The following SET variants were observed in gnomAD, a reference collection of about 807,000 sequenced individuals.
SET encodes protein SET.
A neutral mutation model predicts 39.0 loss-of-function variants in SET; 4 were observed. The ratio of observed to expected loss-of-function variants is 0.10; its 90% CI spans 0.05 to 0.23. The LOEUF (loss-of-function observed/expected upper bound fraction) is 0.23, where lower values mean the gene tolerates loss of function less well. SET is among the 10% of genes least tolerant of loss of function. SET has a pLI of 1.00. For synonymous variants in SET, 114 were observed against 115.9 expected (o/e 0.98, Z 0.11); for missense variants, 137 against 329.7 (o/e 0.42, Z 4.53).
chr9:128,694,109 T>TAC, intron 7 of SET, 67 bp downstream of exon 7: 2 of 1,296,570 alleles, frequency 1.5e-6, no homozygotes, highest in South Asian at 1.6e-5. Context: ...TTGGGGTGTA[T>TAC]ATATATATAT....
Position 128,689,577 on chromosome 9 carries a change from A to G in SET, c.-6A>G, listed in dbSNP as rs772142997. 2.3e-6 allele frequency: 3 copies of G among 1,316,940 alleles called. No homozygotes were observed. The highest frequency in any genetic ancestry group is 1.6e-5 in the South Asian group (1 of 61,890). 81.6% of individuals were successfully genotyped at this position (1,316,940 alleles called of 1,614,324 possible). A position where few individuals can be genotyped will look rare whatever the true frequency, so the allele number is the denominator to read the frequency against. ...CCCGCTCCCCCCCCGACCGCGGAGC[A>G]GCACCATGTCGGCGCCGGCGGCCAA... On this transcript the variant is annotated 5_prime_UTR_variant, in exon 1 of 8. Transcript: ENST00000322030.
At chr9:128,691,040 T>C (rs754851142) in intron 1 of SET, 130 bp from the exon 2 acceptor site, 1 of 765,578 alleles carries the variant, frequency 1.3e-6, no homozygotes, top group Admixed American at 1.9e-5. Context: ...AGCATGAACA[T>C]GTGGAACGCT....
In SET at chr9:128,692,855, T is replaced by G; in HGVS notation, c.379-13T>G. ...CCTGTTCATATTTCTAATCTTTCAA[T>G]TATTTATTACAGTATTTTGATGAAA... is the stretch of plus-strand genomic sequence containing the variant. On this transcript the variant is annotated splice_polypyrimidine_tract_variant and intron_variant, in intron 4 of 7. Coordinates refer to ENST00000322030, the MANE Select transcript of SET (RefSeq NM_003011.4). 1 of 1,533,940 alleles carries G rather than the reference T, an allele frequency of 6.5e-7. No homozygotes were observed. The highest frequency in any genetic ancestry group is 9.0e-7 in the Non-Finnish European group (1 of 1,109,982).
In SET at chr9:128,693,580, T is replaced by C. The variant is rs536392903; in HGVS notation, c.493-58T>C. Reference sequence around the variant, plus strand: ...GGGGAAAATCTTATTTTTTAAATTATAGGGAGTTTGGGTGTTATGGAGAGA... The same window carrying C: ...GGGGAAAATCTTATTTTTTAAATTACAGGGAGTTTGGGTGTTATGGAGAGA... On this transcript the variant is annotated intron_variant, in intron 5 of 7. Coordinates refer to ENST00000322030, the MANE Select transcript of SET (RefSeq NM_003011.4). The C allele has an allele frequency of 5.6e-4, 833 of 1,481,830 alleles. 2 individuals are homozygous for C. Among genetic ancestry groups the C allele is most frequent in the Non-Finnish European group, 6.0e-4 (670 of 1,109,742 alleles). The allele number at this position is 1,481,830 out of a possible 1,614,324, so 91.8% of individuals were successfully genotyped here. A position where few individuals can be genotyped will look rare whatever the true frequency, so the allele number is the denominator to read the frequency against.
chr9:128,685,314 C>T, upstream of SET: 1 of 948,086 alleles, frequency 1.1e-6, no homozygotes, highest in Non-Finnish European at 1.7e-6. Context: ...CTAAGGGGAG[C>T]ACTAGACAGC....
At chr9:128,688,822 G>A (rs1861377043), upstream of SET, among the ~76,000 whole-genome samples, 1 of 152,184 alleles carries the variant, frequency 6.6e-6, no homozygotes, top group Non-Finnish European at 1.5e-5. Context: ...CCGAGAGGCC[G>A]GGCGGAATTC....
intron 7 of SET, 136 bp downstream of exon 7, chr9:128,694,178 T>C (rs1861646260): frequency 1.2e-6 from 1 of 858,686 alleles, no homozygotes; most frequent in African/African-American, 1.7e-5. Flanking sequence ...ATTTTGTTGT[T>C]CAAGAATTAA....
rs150433524 is a variant in SET at position 128,692,520 on chromosome 9, T to C, written c.275-142T>C. 1.3e-3 allele frequency: 795 copies of C among 616,060 alleles called. 17 individuals are homozygous for C. The East Asian group carries it at 0.018, about 14-fold the overall frequency. The allele number at this position is 616,060 out of a possible 1,614,324, so 38.2% of individuals were successfully genotyped here. On this transcript the variant is annotated intron_variant, in intron 3 of 7. Transcript: ENST00000322030. Reference sequence around the variant, plus strand: ...GATGAAAGATAGTGACAGTCTGATATTGAGCAATTGCCTTTAGTTAATAAT... The same window carrying C: ...GATGAAAGATAGTGACAGTCTGATACTGAGCAATTGCCTTTAGTTAATAAT...
At chr9:128,694,566 G>T in intron 7 of SET, 75 bp from the exon 8 acceptor site, 1 of 975,274 alleles carries the variant, frequency 1.0e-6, no homozygotes, top group Non-Finnish European at 1.6e-6. Context: ...GGGCACTCGT[G>T]GGGTCCATTG....
upstream of SET, among the ~76,000 whole-genome samples, chr9:128,686,456 G>A (rs1028978530): frequency 6.6e-6 from 1 of 152,278 alleles, no homozygotes; most frequent in Admixed American, 6.5e-5. Context: ...TTGTGGGTCA[G>A]GAGTGACCCT....
At chr9:128,692,394 T>TC (rs1491342407) in intron 3 of SET, 35 of 76,176 alleles carry the variant, frequency 4.6e-4, no homozygotes, top group Admixed American at 3.0e-3. Flanking sequence ...AGTGAGACTG[T>TC]TTCAAAAAAA....
upstream of SET, chr9:128,689,115 C>A: frequency 4.1e-6 from 1 of 246,790 alleles, no homozygotes; most frequent in Non-Finnish European, 6.4e-6. Flanking sequence ...CGCCGCGACT[C>A]CGCCCCCTCA....
intron 1 of SET, 53 bp from the exon 2 acceptor site, chr9:128,691,116 TG>T (rs779749723): frequency 2.2e-6 from 3 of 1,387,978 alleles, no homozygotes; most frequent in African/African-American, 1.4e-5. Context: ...TATTAACATC[TG>T]GAAAACTAGG....
Position 128,696,249 on chromosome 9 carries a change from G to T in SET, c.*1585G>T, listed in dbSNP as rs1290793825. ...TTTTGATGTATAAAACTTGATAAAT[G>T]GAACTATTCCATCAATAGGCAAAAG... On this transcript the variant is annotated 3_prime_UTR_variant, in exon 8 of 8. Transcript: ENST00000322030. 4 of 202,390 alleles carry T rather than the reference G, an allele frequency of 2.0e-5. No homozygotes were observed. The highest frequency in any genetic ancestry group is 3.1e-5 in the Non-Finnish European group (3 of 97,172). 12.5% of individuals were successfully genotyped at this position (202,390 alleles called of 1,614,324 possible).
chr9:128,684,084 C>A lies in SET; in HGVS notation c.112+77C>A, dbSNP rs567694154. ...GACTCTCTGATTTTTACCCCCCAAT[C>A]CCTCTTGAGATGTGACCCCTAAGCA... is the stretch of plus-strand genomic sequence containing the variant. On this transcript the variant is annotated intron_variant, in intron 1 of 7. Transcript: ENST00000372692. 9 of 1,204,446 alleles carry A rather than the reference C, an allele frequency of 7.5e-6. No individual in the cohort carries two copies. The South Asian group carries it at 8.1e-5, about 11-fold the overall frequency. The allele number at this position is 1,204,446 out of a possible 1,614,324, so 74.6% of individuals were successfully genotyped here.
rs1420104259 is a variant in SET at position 128,689,563 on chromosome 9, C to G, written c.-20C>G. On this transcript the variant is annotated 5_prime_UTR_variant, in exon 1 of 8. Coordinates refer to ENST00000322030, the MANE Select transcript of SET (RefSeq NM_003011.4). ...CTTCTCTCCCCCTCCCCGCTCCCCC[C>G]CCGACCGCGGAGCAGCACCATGTCG... 5 of 1,339,944 alleles carry G rather than the reference C, an allele frequency of 3.7e-6. No homozygotes were observed. Among genetic ancestry groups the G allele is most frequent in the East Asian group, 3.3e-5 (1 of 30,592 alleles). The allele number at this position is 1,339,944 out of a possible 1,614,324, so 83.0% of individuals were successfully genotyped here.
At chr9:128,688,450 T>G (rs943044932), upstream of SET, among the ~76,000 whole-genome samples, 18 of 152,142 alleles carry the variant, frequency 1.2e-4, no homozygotes, top group Non-Finnish European at 2.6e-4. Context: ...GAGGCCTCGG[T>G]GAGATAACCG....
Position 128,693,906 on chromosome 9 carries a change from T to C in SET, c.674T>C (p.Met225Thr), listed in dbSNP as rs756885899. ...TTTTTTTTTTTTAAGGTTCCCGATA[T>C]GGATGATGAAGAAGGAGAAGGAGAA... ...NPLQYYLVPDMDDEEGEGEED... is the reference protein window; with the variant it reads ...NPLQYYLVPDTDDEEGEGEED... Residue 225 changes from methionine to threonine, a missense_variant, in exon 7 of 8, where the codon ATG becomes ACG. Physicochemically the swap from Met to Thr is moderately conservative, Grantham distance 81. Coordinates refer to ENST00000322030, the MANE Select transcript of SET (RefSeq NM_003011.4). The C allele has an allele frequency of 1.9e-6, 3 of 1,599,354 alleles. No homozygotes were observed. The highest frequency in any genetic ancestry group is 1.7e-6 in the Non-Finnish European group (2 of 1,171,554).
In SET at chr9:128,689,501, G is replaced by T. The variant is rs1329643153; in HGVS notation, c.-82G>T. 11 of 697,558 alleles carry T rather than the reference G, an allele frequency of 1.6e-5. No individual in the cohort carries two copies. The highest frequency in any genetic ancestry group is 2.0e-5 in the Non-Finnish European group (10 of 500,678). The allele number at this position is 697,558 out of a possible 1,614,324, so 43.2% of individuals were successfully genotyped here. A position where few individuals can be genotyped will look rare whatever the true frequency, so the allele number is the denominator to read the frequency against. ...CCGAGCGGGCGCCCGCGCGTGTGGC[G>T]TGAGGGGAAGCCGCTTGCCCGCCCC... On this transcript the variant is annotated 5_prime_UTR_variant, in exon 1 of 8. Coordinates refer to ENST00000322030, the MANE Select transcript of SET (RefSeq NM_003011.4).
Sources: gnomAD v4.1 joint callset for allele counts (sites outside exome capture counted in the v4.1 genomes callset) on GRCh38, gnomAD v4.1.1 for gene constraint, MANE v1.5 for transcripts, NCBI Gene and HGNC (gene_info 2026-07-23, HGNC 2026-07-21) for gene names.